Variants in TUBGCP3 observed in about 807,000 individuals in gnomAD.
TUBGCP3 encodes tubulin gamma complex component 3.
TUBGCP3 carries 50 observed loss-of-function variants against 123.1 expected under a neutral mutation model. That is an observed-to-expected ratio of 0.41 (90% CI 0.32 to 0.51). The LOEUF is 0.51. Among genes scored for constraint, TUBGCP3 ranks in the 20% least tolerant of loss-of-function variants. The pLI is 0.36. For missense variants in TUBGCP3, 882 were observed against 1,127.0 expected, an observed-to-expected ratio of 0.78 and a Z score of 3.11; for synonymous variants, 405 against 413.9, an observed-to-expected ratio of 0.98 and a Z score of 0.26.
rs906232124 is a variant in TUBGCP3, at chr13:112,511,147, C to T, written c.2086+5293G>A. Reference sequence around the variant, plus strand: ...GATGAATCGTTATTATATGAATCATCAAGAAAGTAAAACAGTTGCCAGTCA... The same window carrying T: ...GATGAATCGTTATTATATGAATCATTAAGAAAGTAAAACAGTTGCCAGTCA... On this transcript the variant is annotated intron_variant, in intron 17 of 21. Transcript: ENST00000261965. This position sits in a 1 kb window ranked among gnomAD's most constrained non-coding sequence, Gnocchi z 4.1. 6.6e-6 allele frequency among the ~76,000 whole-genome samples: 1 copy of T among 152,136 alleles called. No individual in the cohort carries two copies. The highest frequency in any genetic ancestry group is 1.5e-5 in the Non-Finnish European group (1 of 68,010).
intron 13 of TUBGCP3, among the ~76,000 whole-genome samples, chr13:112,523,268 G>A (rs1258799554): frequency 6.6e-6 from 1 of 152,242 alleles, no homozygotes; most frequent in Non-Finnish European, 1.5e-5. Context: ...AACGCTAGCT[G>A]AAGACTAAGC....
At chr13:112,509,079 C>A (rs976755705) in intron 17 of TUBGCP3, among the ~76,000 whole-genome samples, 1 of 152,206 alleles carries the variant, frequency 6.6e-6, no homozygotes, top group Admixed American at 6.5e-5. Context: ...GCAGCACAGT[C>A]CCCCTCCACA....
At chr13:112,556,275 CAA>C in intron 5 of TUBGCP3, 51 bp from the exon 6 acceptor site, 1 of 1,546,128 alleles carries the variant, frequency 6.5e-7, no homozygotes, top group Non-Finnish European at 8.8e-7. Flanking sequence ...GCTGAAGAGA[CAA>C]AAGTGTCCCT....
chr13:112,499,041 A>T lies in TUBGCP3; in HGVS notation c.2448+4T>A. The T allele has an allele frequency of 6.2e-7, 1 of 1,614,214 alleles. No individual in the cohort carries two copies. Among genetic ancestry groups the T allele is most frequent in the Non-Finnish European group, 8.5e-7 (1 of 1,180,032 alleles). ...AGATAAATTCACAAGTGTAAAGACC[A>T]TACCTCAATTTCACGCTGTTTCTTT... On this transcript the variant is annotated splice_donor_region_variant and intron_variant, in intron 20 of 21. Coordinates refer to ENST00000261965, the MANE Select transcript of TUBGCP3 (RefSeq NM_006322.6).
chr13:112,552,744 G>GCACACTCCTCCCCACCAGC (rs1879683539), intron 8 of TUBGCP3, among the ~76,000 whole-genome samples: 1 of 150,502 alleles, frequency 6.6e-6, no homozygotes, highest in South Asian at 2.1e-4. Context: ...CGCTGCCACA[G>GCACACTCCTCCCCACCAGC]CACACTCCTC....
the TUBGCP3 span, among the ~76,000 whole-genome samples, chr13:112,601,669 C>T: frequency 6.6e-6 from 1 of 151,996 alleles, no homozygotes; most frequent in Non-Finnish European, 1.5e-5. Context: ...AGGTCCGACT[C>T]ATCCCCAGCC....
At chr13:112,507,893 A>C (rs964319575) in intron 17 of TUBGCP3, among the ~76,000 whole-genome samples, 65 of 152,138 alleles carry the variant, frequency 4.3e-4, no homozygotes, top group Non-Finnish European at 1.0e-4. Context: ...GATTTTCTTG[A>C]GTGTACAATT....
At chr13:112,549,691 C>G (rs1312916363) in intron 8 of TUBGCP3, among the ~76,000 whole-genome samples, 2 of 151,996 alleles carry the variant, frequency 1.3e-5, no homozygotes, top group African/African-American at 4.8e-5. Context: ...CATCTCCAAT[C>G]TTAAAAACTG....
intron 1 of TUBGCP3, among the ~76,000 whole-genome samples, chr13:112,573,031 TGAAAA>T (rs1316649345): frequency 6.6e-6 from 1 of 150,496 alleles, no homozygotes; most frequent in Non-Finnish European, 1.5e-5. Flanking sequence ...CTCTTAAAGA[TGAAAA>T]GAACAGGTAT....
intron 2 of TUBGCP3, 98 bp from the exon 3 acceptor site, chr13:112,565,276 G>A (rs1284758152): frequency 4.4e-5 from 46 of 1,046,024 alleles, no homozygotes; most frequent in Non-Finnish European, 6.2e-5. Context: ...CGCAAGTGAT[G>A]AATTCAGAGT....
chr13:112,585,966 G>A (rs897762383), intron 1 of TUBGCP3, among the ~76,000 whole-genome samples: 6 of 151,830 alleles, frequency 4.0e-5, no homozygotes, highest in South Asian at 2.1e-4. Flanking sequence ...TTGGCTGGGC[G>A]CGGTGGCTCA....
At chr13:112,575,911 G>A (rs542517709) in intron 1 of TUBGCP3, among the ~76,000 whole-genome samples, 2 of 152,296 alleles carry the variant, frequency 1.3e-5, no homozygotes, top group East Asian at 3.9e-4. Context: ...ACCCCCCAGA[G>A]CCTCCAGGGG....
At chr13:112,533,035 T>A (rs1024876200) in intron 11 of TUBGCP3, among the ~76,000 whole-genome samples, 14 of 152,202 alleles carry the variant, frequency 9.2e-5, no homozygotes, top group African/African-American at 3.4e-4. Flanking sequence ...CAGAGGCAGC[T>A]GGGCAGAGAG....
At chr13:112,551,086 G>T (rs540283368) in intron 8 of TUBGCP3, among the ~76,000 whole-genome samples, 1 of 151,708 alleles carries the variant, frequency 6.6e-6, no homozygotes, top group Admixed American at 6.6e-5. Context: ...GTGACAGAGC[G>T]AGACGACTCC....
intron 5 of TUBGCP3, among the ~76,000 whole-genome samples, chr13:112,556,694 G>A (rs1880076127): frequency 1.3e-5 from 2 of 152,264 alleles, no homozygotes; most frequent in South Asian, 4.1e-4. Flanking sequence ...CCTGTCTTCA[G>A]CCTTCAGAGT....
Position 112,545,798 on chromosome 13 carries a change from C to T in TUBGCP3, c.1236G>A (p.Arg412=). ...GGCTGAGGATGTGCTGCACCAGAGA[C>T]CGCATGTACGGGTCTCCTGTTTTTG... ...AYTKTGDPYM[R]SLVQHILSLV... Residue 412 remains arginine, a synonymous_variant, in exon 11 of 22, where the codon CGG becomes CGA. Transcript: ENST00000261965. This position sits in a 1 kb window ranked among gnomAD's most constrained non-coding sequence, Gnocchi z 4.1. The T allele has an allele frequency of 1.9e-6, 3 of 1,614,204 alleles. No homozygotes were observed. The highest frequency in any genetic ancestry group is 2.5e-6 in the Non-Finnish European group (3 of 1,180,036).
Position 112,524,377 on chromosome 13 carries a change from C to T in TUBGCP3, c.1556-1868G>A, listed in dbSNP as rs561202762. Among the ~76,000 whole-genome samples the T allele has an allele frequency of 1.1e-4, 16 of 152,240 alleles. No homozygotes were observed. Among genetic ancestry groups the T allele is most frequent in the South Asian group, 2.1e-4 (1 of 4,832 alleles). On this transcript the variant is annotated intron_variant, in intron 13 of 21. Transcript: ENST00000261965. This position sits in a 1 kb window ranked among gnomAD's most constrained non-coding sequence, Gnocchi z 4.4. ...GGGGCCGCCAGCAGCACAGCAGACG[C>T]GGTGCTCACACAAGCAGCAGCAACC...
chr13:112,510,393 T>C (rs1040903688), intron 17 of TUBGCP3, among the ~76,000 whole-genome samples: 8 of 152,174 alleles, frequency 5.3e-5, no homozygotes, highest in African/African-American at 1.7e-4. Context: ...CAACCCGTAT[T>C]TATGTATTTA....
chr13:112,565,536 AAAG>A (rs1210726400), intron 2 of TUBGCP3, among the ~76,000 whole-genome samples: 4 of 152,222 alleles, frequency 2.6e-5, no homozygotes, highest in African/African-American at 9.6e-5. Context: ...GTAGGGATGG[AAAG>A]TGAAAATATT....
Sources: allele counts gnomAD v4.1 joint callset (sites outside exome capture counted in the v4.1 genomes callset), GRCh38; gene constraint gnomAD v4.1.1; non-coding constraint Gnocchi (gnomAD v3.1); transcripts MANE v1.5; gene names NCBI Gene and HGNC (gene_info 2026-07-23, HGNC 2026-07-21).